The following LRRC4C variants were observed in gnomAD, a reference collection of about 807,000 sequenced individuals.
LRRC4C encodes leucine-rich repeat-containing protein 4C.
Under a neutral mutation model 33.6 loss-of-function variants are expected in LRRC4C, and 5 were observed. The observed-to-expected ratio is 0.15, with a 90% CI of 0.08 to 0.31. The LOEUF is 0.31. Among genes scored for constraint, LRRC4C ranks in the 10% least tolerant of loss-of-function variants. The pLI, the probability that LRRC4C is intolerant of heterozygous loss-of-function variation, is 1.00. For missense variants in LRRC4C, 560 were observed against 796.7 expected, an observed-to-expected ratio of 0.70 and a Z score of 3.58; for synonymous variants, 329 against 302.0, an observed-to-expected ratio of 1.09 and a Z score of -0.93.
At chr11:41,039,723 GAAGT>G (rs1399314982) in intron 1 of LRRC4C, among the ~76,000 whole-genome samples, 1 of 152,156 alleles carries the variant, frequency 6.6e-6, no homozygotes, top group Non-Finnish European at 1.5e-5. Context: ...TGGCTAGAAT[GAAGT>G]AAGGAAACCC....
chr11:40,634,705 C>A (rs1167589181), intron 3 of LRRC4C, among the ~76,000 whole-genome samples: 2 of 145,488 alleles, frequency 1.4e-5, no homozygotes, highest in African/African-American at 5.3e-5. Context: ...CCTATTTCTT[C>A]AAAAAATAAG....
intron 2 of LRRC4C, among the ~76,000 whole-genome samples, chr11:40,777,485 T>C (rs11036073): frequency 0.78 from 116,126 of 148,680 alleles, 45,585 homozygotes; most frequent in Middle Eastern, 0.85. Flanking sequence ...TACCATTCTT[T>C]GTCCTTTTTT....
At chr11:41,082,414 C>T (rs1939643637) in intron 1 of LRRC4C, among the ~76,000 whole-genome samples, 1 of 147,676 alleles carries the variant, frequency 6.8e-6, no homozygotes, top group South Asian at 2.1e-4. Flanking sequence ...TACCACCCCA[C>T]TCAAATCTCA....
At chr11:40,447,424 A>G (rs982369668) in intron 3 of LRRC4C, among the ~76,000 whole-genome samples, 1 of 152,180 alleles carries the variant, frequency 6.6e-6, no homozygotes, top group East Asian at 1.9e-4. Context: ...TCGTCTTCAG[A>G]TGGATTATTT....
chr11:41,310,000 CTTCT>C (rs1300547486), intron 1 of LRRC4C, among the ~76,000 whole-genome samples: 5 of 152,230 alleles, frequency 3.3e-5, no homozygotes, highest in African/African-American at 1.2e-4. Context: ...ACCTTCCTGG[CTTCT>C]TTGTCTATAC....
At chr11:40,816,581 T>G (rs76061415) in intron 2 of LRRC4C, among the ~76,000 whole-genome samples, 5,674 of 152,170 alleles carry the variant, frequency 0.037, 214 homozygotes, top group African/African-American at 0.095. Flanking sequence ...AGTTACTGTG[T>G]TTTTTAGACA....
intron 2 of LRRC4C, among the ~76,000 whole-genome samples, chr11:40,870,878 G>A (rs926839470): frequency 1.3e-5 from 2 of 152,060 alleles, no homozygotes; most frequent in Non-Finnish European, 2.9e-5. Flanking sequence ...TCTGACTGCC[G>A]GTGAGCCATA....
rs1016390721 is a variant in LRRC4C at position 40,353,060 on chromosome 11, G to T, written c.-269-33339C>A. Among the ~76,000 whole-genome samples, 115 of 152,146 alleles carry T rather than the reference G, an allele frequency of 7.6e-4. No homozygotes were observed. In the Middle Eastern group the frequency reaches 0.01, roughly 14 times the overall value. On this transcript the variant is annotated intron_variant, in intron 3 of 6. Transcript: ENST00000528697. ...TTATTAAATGTATTGAGGTAGTCTT[G>T]TTTGGGTTAAATCTTCTTGGTGCTC... is the stretch of plus-strand genomic sequence containing the variant.
chr11:40,202,397 T>C (rs1231237338), intron 5 of LRRC4C, among the ~76,000 whole-genome samples: 1 of 151,486 alleles, frequency 6.6e-6, no homozygotes, highest in African/African-American at 2.4e-5. Flanking sequence ...CACAAAGAAA[T>C]GGTGTCAGGT....
chr11:41,367,778 C>T (rs1166658865), intron 1 of LRRC4C, among the ~76,000 whole-genome samples: 2 of 152,136 alleles, frequency 1.3e-5, no homozygotes, highest in Non-Finnish European at 2.9e-5. Flanking sequence ...CTTGGCAATA[C>T]TAGCCACAAA....
chr11:40,852,636 A>G (rs1332602075), intron 2 of LRRC4C, among the ~76,000 whole-genome samples: 2 of 152,160 alleles, frequency 1.3e-5, no homozygotes, highest in East Asian at 1.9e-4. Flanking sequence ...GGAGAATCCA[A>G]TTTACTTAAA....
chr11:40,438,077 C>T (rs1951221365), intron 3 of LRRC4C, among the ~76,000 whole-genome samples: 1 of 152,212 alleles, frequency 6.6e-6, no homozygotes, highest in South Asian at 2.1e-4. Context: ...CCAGGCCTCA[C>T]TGAATGTTGA....
chr11:40,557,546 A>T (rs17408870), intron 3 of LRRC4C, among the ~76,000 whole-genome samples: 17,589 of 152,134 alleles, frequency 0.12, 1,167 homozygotes, highest in Middle Eastern at 0.18. Context: ...ACCAGGTTAC[A>T]TTGTTATTAC....
intron 1 of LRRC4C, among the ~76,000 whole-genome samples, chr11:41,141,303 C>G (rs923784318): frequency 6.6e-6 from 1 of 152,016 alleles, no homozygotes; most frequent in Non-Finnish European, 1.5e-5. Flanking sequence ...CTAGCAACAC[C>G]TCTGCCCTGC....
Position 40,765,786 on chromosome 11 carries a change from G to GA in LRRC4C, c.-406-117509dup, listed in dbSNP as rs113329082. Among the ~76,000 whole-genome samples the GA allele has an allele frequency of 9.8e-4, 143 of 146,160 alleles. 1 individual carries two copies. Among genetic ancestry groups the GA allele is most frequent in the South Asian group, 2.8e-3 (13 of 4,644 alleles). On this transcript the variant is annotated intron_variant, in intron 2 of 6. Transcript: ENST00000528697. ...CACTTGAAAATATGCAGTCAGAGAA[G>GA]AAAAAAAAAATTAAATAAAAAGGAA...
At chr11:40,358,189 A>AAAT (rs1244280020) in intron 3 of LRRC4C, among the ~76,000 whole-genome samples, 1 of 151,330 alleles carries the variant, frequency 6.6e-6, no homozygotes, top group Non-Finnish European at 1.5e-5. Context: ...TCTCAAAAAT[A>AAAT]AATAAATAAA....
At chr11:40,906,546 AC>A (rs1391148197) in intron 2 of LRRC4C, among the ~76,000 whole-genome samples, 1 of 152,056 alleles carries the variant, frequency 6.6e-6, no homozygotes, top group Non-Finnish European at 1.5e-5. Flanking sequence ...AAACAAACAA[AC>A]CTACATATAG....
intron 2 of LRRC4C, among the ~76,000 whole-genome samples, chr11:40,845,989 G>T (rs181528300): frequency 6.7e-6 from 1 of 149,154 alleles, no homozygotes; most frequent in African/African-American, 2.5e-5. Flanking sequence ...TTTGAGAAAC[G>T]TCTGTTCAGA....
At chr11:40,307,167 C>G (rs978892071) in intron 4 of LRRC4C, among the ~76,000 whole-genome samples, 1 of 152,024 alleles carries the variant, frequency 6.6e-6, no homozygotes, top group African/African-American at 2.4e-5. Flanking sequence ...CTCCTCACCC[C>G]CCATTATGAC....
Sources: gnomAD v4.1 joint callset for allele counts (sites outside exome capture counted in the v4.1 genomes callset) on GRCh38, gnomAD v4.1.1 for gene constraint, MANE v1.5 for transcripts, NCBI Gene and HGNC (gene_info 2026-07-23, HGNC 2026-07-21) for gene names.